Variants in FAF1 observed in about 807,000 individuals in gnomAD.
FAF1 encodes the protein FAS-associated factor 1.
In FAF1, 25 loss-of-function variants were observed where a neutral mutation model predicts 92.5. That is an observed-to-expected ratio of 0.27 (90% confidence interval 0.20 to 0.38). FAF1 has a LOEUF of 0.38. Ranked by LOEUF, FAF1 falls within the 10% of genes least tolerant of loss-of-function variation. FAF1 has a pLI of 1.00. For missense variants in FAF1, 636 were observed against 793.3 expected (o/e 0.80, Z 2.38); for synonymous variants, 234 against 273.2 (o/e 0.86, Z 1.42).
chr1:50,456,961 T>C (rs1227516325), intron 18 of FAF1, among the ~76,000 whole-genome samples: 1 of 152,228 alleles, frequency 6.6e-6, no homozygotes, highest in African/African-American at 2.4e-5. Context: ...TGTGACTATG[T>C]AAACTTGAAC....
chr1:50,948,659 A>G (rs183341176), intron 1 of FAF1, among the ~76,000 whole-genome samples: 2 of 151,916 alleles, frequency 1.3e-5, no homozygotes, highest in Admixed American at 1.3e-4. Context: ...CAGCCTCCCA[A>G]GTAGCTGGGA....
At chr1:50,485,991 CAACA>C (rs1245041686) in intron 17 of FAF1, among the ~76,000 whole-genome samples, 1 of 152,060 alleles carries the variant, frequency 6.6e-6, no homozygotes, top group African/African-American at 2.4e-5. Flanking sequence ...GCCCTTCCTT[CAACA>C]TGTGGGGATT....
In FAF1 at chr1:50,541,977, C is replaced by T. The variant is rs138687587; in HGVS notation, c.1269-2249G>A. On this transcript the variant is annotated intron_variant, in intron 13 of 18. Coordinates refer to ENST00000396153, the MANE Select transcript of FAF1 (RefSeq NM_007051.3). The stretch of plus-strand genomic sequence containing the variant: ...TTCACCACTATACAAAGCATGTTTG[C>T]GGTGCAGATCGCAAAGCACACAGCC... 7.2e-5 allele frequency among the ~76,000 whole-genome samples: 11 copies of T among 152,180 alleles called. No homozygotes were observed. The East Asian group carries it at 7.7e-4, about 11-fold the overall frequency.
chr1:50,475,590 G>A lies in FAF1; in HGVS notation c.1743C>T (p.Pro581=). 2 of 1,614,022 alleles carry A rather than the reference G, an allele frequency of 1.2e-6. No individual in the cohort carries two copies. Among genetic ancestry groups the A allele is most frequent in the South Asian group, 1.1e-5 (1 of 91,084 alleles). ...EPVSKLRIRT[P]SGEFLERRFL... ...AACGCCGCTCCAAGAACTCGCCACT[G>A]GGGGTCCGGATCCGCAGTTTGCTCA... Residue 581 remains proline (P), a synonymous_variant, in exon 18 of 19, where the codon CCC becomes CCT. Transcript: ENST00000396153.
intron 4 of FAF1, among the ~76,000 whole-genome samples, chr1:50,746,885 G>C (rs184981835): frequency 1.0e-3 from 153 of 152,320 alleles, no homozygotes; most frequent in African/African-American, 3.5e-3. Flanking sequence ...GCAGGAAACT[G>C]CTCCCTGCAT....
chr1:50,657,132 A>C (rs1251659990), intron 7 of FAF1, among the ~76,000 whole-genome samples: 1 of 151,824 alleles, frequency 6.6e-6, no homozygotes, highest in African/African-American at 2.4e-5. Flanking sequence ...GGATTGTTTG[A>C]GTCCAGGAAG....
intron 18 of FAF1, among the ~76,000 whole-genome samples, chr1:50,468,209 AAAC>A (rs936543176): frequency 9.9e-5 from 15 of 151,932 alleles, no homozygotes; most frequent in African/African-American, 2.2e-4. Context: ...ACTCTGTCTC[AAAC>A]AACAACAACA....
intron 1 of FAF1, among the ~76,000 whole-genome samples, chr1:50,883,284 TC>T (rs1248400469): frequency 2.6e-5 from 4 of 152,158 alleles, no homozygotes; most frequent in African/African-American, 9.7e-5. Context: ...TAAATAAAAA[TC>T]CATGTTGATT....
intron 13 of FAF1, among the ~76,000 whole-genome samples, chr1:50,543,417 T>A (rs1476259476): frequency 6.6e-6 from 1 of 152,174 alleles, no homozygotes; most frequent in Non-Finnish European, 1.5e-5. Flanking sequence ...ATTTAAGGGT[T>A]CCTGATTACT....
rs1646158262 is a variant in FAF1, at chr1:50,440,672, A to G, written c.*768T>C. On this transcript the variant is annotated 3_prime_UTR_variant, in exon 19 of 19. Transcript: ENST00000396153. ...TGAGGTTCTAACTGCCCAAATGCAA[A>G]CCTAACAGTAGCCTCTTGCCATTGG... is the stretch of plus-strand genomic sequence containing the variant. The G allele has an allele frequency of 6.6e-6, 1 of 152,226 alleles. No homozygotes were observed. The highest frequency in any genetic ancestry group is 1.5e-5 in the Non-Finnish European group (1 of 68,052). 9.4% of individuals were successfully genotyped at this position (152,226 alleles called of 1,614,324 possible). A position where few individuals can be genotyped will look rare whatever the true frequency, so the allele number is the denominator to read the frequency against.
intron 4 of FAF1, among the ~76,000 whole-genome samples, chr1:50,756,733 G>A (rs749759086): frequency 3.3e-5 from 5 of 152,204 alleles, no homozygotes; most frequent in African/African-American, 7.2e-5. Context: ...TGGAAGGCAA[G>A]GTGGAGCAAG....
intron 1 of FAF1, among the ~76,000 whole-genome samples, chr1:50,913,387 A>G (rs1644899668): frequency 6.6e-6 from 1 of 152,230 alleles, no homozygotes; most frequent in South Asian, 2.1e-4. Context: ...ACAAGCTTAA[A>G]GAGATCAAGT....
chr1:50,579,579 A>T (rs576847390), intron 12 of FAF1, among the ~76,000 whole-genome samples: 1 of 152,326 alleles, frequency 6.6e-6, no homozygotes, highest in Non-Finnish European at 1.5e-5. Context: ...TCCTGTTAAA[A>T]TAAAATATTC....
In FAF1 at chr1:50,705,794, T is replaced by G; in HGVS notation, c.649A>C (p.Ile217Leu). The part of the protein sequence containing the change: ...YNLNFSGSST[I>L]QEVKRNVYDL... ...TGTGAGACATAACTCACCTCTTGAATAGTACTGCTTCCTGAGAAGTTCAGG... is the reference window on the plus strand; with the variant it reads ...TGTGAGACATAACTCACCTCTTGAAGAGTACTGCTTCCTGAGAAGTTCAGG... The change falls in exon 7 of 19, where the codon ATT (isoleucine) becomes CTT (leucine). Residue 217 changes from isoleucine to leucine, a missense_variant. Coordinates refer to ENST00000396153, the MANE Select transcript of FAF1 (RefSeq NM_007051.3). 1 of 1,579,826 alleles carries G rather than the reference T, an allele frequency of 6.3e-7. No homozygotes were observed. The highest frequency in any genetic ancestry group is 2.2e-5 in the East Asian group (1 of 44,706).
At chr1:50,780,985 T>C in intron 4 of FAF1, 1 of 483,528 alleles carries the variant, frequency 2.1e-6, no homozygotes, top group Non-Finnish European at 4.2e-6. Flanking sequence ...CAAGGGTGAC[T>C]CCAAGGCAGC....
chr1:50,819,427 C>A, intron 2 of FAF1, among the ~76,000 whole-genome samples: 1 of 147,872 alleles, frequency 6.8e-6, no homozygotes, highest in African/African-American at 2.5e-5. Flanking sequence ...CCAGCCTGGG[C>A]AATACAGCAA....
chr1:50,713,820 C>A (rs1658054467), intron 6 of FAF1, among the ~76,000 whole-genome samples: 1 of 142,814 alleles, frequency 7.0e-6, no homozygotes, highest in Admixed American at 7.4e-5. Flanking sequence ...GTCACCCAGG[C>A]TAGAATGCAG....
intron 1 of FAF1, among the ~76,000 whole-genome samples, chr1:50,924,888 C>T (rs1166536544): frequency 6.6e-6 from 1 of 152,264 alleles, no homozygotes; most frequent in East Asian, 1.9e-4. Flanking sequence ...AAGGCTAAGG[C>T]AGGTGAATTA....
intron 7 of FAF1, among the ~76,000 whole-genome samples, chr1:50,677,781 G>A (rs748134893): frequency 6.6e-6 from 1 of 151,102 alleles, no homozygotes; most frequent in Non-Finnish European, 1.5e-5. Context: ...TGTAATCCCA[G>A]CTACTCAGGA....
Sources: gnomAD v4.1 joint callset for allele counts (sites outside exome capture counted in the v4.1 genomes callset) on GRCh38, gnomAD v4.1.1 for gene constraint, MANE v1.5 for transcripts, NCBI Gene and HGNC (gene_info 2026-07-23, HGNC 2026-07-21) for gene names.